The following RYR3 variants were observed in gnomAD, a reference collection of about 807,000 sequenced individuals.
The protein encoded by RYR3 is brain ryanodine receptor-calcium release channel.
A neutral mutation model predicts 584.3 loss-of-function variants in RYR3; 207 were observed. The ratio of observed to expected loss-of-function variants is 0.35; its 90% CI spans 0.32 to 0.40. RYR3 has a LOEUF of 0.40. Ranked by LOEUF, RYR3 falls within the 10% of genes least tolerant of loss-of-function variation. RYR3 has a pLI of 1.00. For synonymous variants in RYR3, 2,416 were observed against 2,248.5 expected, an observed-to-expected ratio of 1.07 and a Z score of -2.11; for missense variants, 5,616 against 6,089.2, an observed-to-expected ratio of 0.92 and a Z score of 2.59.
At chr15:33,738,066 A>C (rs891971505) in intron 49 of RYR3, among the ~76,000 whole-genome samples, 1 of 152,204 alleles carries the variant, frequency 6.6e-6, no homozygotes, top group African/African-American at 2.4e-5. Context: ...AAGATCTTCC[A>C]GAATTACAAG....
At chr15:33,350,855 A>G (rs942041526) in intron 1 of RYR3, among the ~76,000 whole-genome samples, 1 of 152,120 alleles carries the variant, frequency 6.6e-6, no homozygotes, top group African/African-American at 2.4e-5. Flanking sequence ...AAAGAACTAG[A>G]AAAGCAAGAG....
chr15:33,764,173 A>G (rs2072787234), intron 60 of RYR3, among the ~76,000 whole-genome samples: 2 of 152,226 alleles, frequency 1.3e-5, no homozygotes, highest in Non-Finnish European at 2.9e-5. Context: ...ACTTGGAACC[A>G]ACCCAGATGC....
At chr15:33,404,455 A>G (rs1352934283) in intron 1 of RYR3, among the ~76,000 whole-genome samples, 1 of 152,188 alleles carries the variant, frequency 6.6e-6, no homozygotes, top group Admixed American at 6.5e-5. Flanking sequence ...AGGTTCTTCT[A>G]TACGGTTCTC....
intron 16 of RYR3, among the ~76,000 whole-genome samples, chr15:33,597,589 C>G (rs938488102): frequency 7.0e-6 from 1 of 142,956 alleles, no homozygotes; most frequent in Non-Finnish European, 1.5e-5. Context: ...CCAGCCTGGG[C>G]GACAGTGCAA....
At position 33,841,979 on chromosome 15, in the gene RYR3, G is replaced by A. The variant is rs770201518; in HGVS notation, c.13153G>A (p.Glu4385Lys). Residue 4385 changes from glutamate to lysine, a missense_variant, in exon 91 of 104, where the codon GAA (glutamate) becomes AAA (lysine). Coordinates refer to ENST00000634891, the MANE Select transcript of RYR3 (RefSeq NM_001036.6). ...RRCGQKVEKP[E>K]AFTANFFKGL... ...GTGTGGTCAGAAGGTTGAGAAGCCGGAAGCTTTCACAGCCAATTTCTTTAA... is the reference window on the plus strand; with the variant it reads ...GTGTGGTCAGAAGGTTGAGAAGCCGAAAGCTTTCACAGCCAATTTCTTTAA... The A allele has an allele frequency of 6.2e-7, 1 of 1,603,708 alleles. No homozygotes were observed. Among genetic ancestry groups the A allele is most frequent in the African/African-American group, 1.3e-5 (1 of 74,776 alleles).
intron 85 of RYR3, among the ~76,000 whole-genome samples, chr15:33,829,482 C>G (rs1165848836): frequency 6.6e-6 from 1 of 152,160 alleles, no homozygotes; most frequent in Non-Finnish European, 1.5e-5. Flanking sequence ...GGCCCAGTGG[C>G]TCGCATCTGT....
In RYR3 at chr15:33,413,011, A is replaced by T. The variant is rs550733367; in HGVS notation, c.52-60408A>T. On this transcript the variant is annotated intron_variant, in intron 1 of 103. Coordinates refer to ENST00000634891, the MANE Select transcript of RYR3 (RefSeq NM_001036.6). ...TACCCATCTCTGGGTCTGAAAGACA[A>T]CTGTACCATCCTGATAATTAGGATG... Among the ~76,000 whole-genome samples, 3 of 152,354 alleles carry T rather than the reference A, an allele frequency of 2.0e-5. No homozygotes were observed. The East Asian group carries it at 5.8e-4, about 29-fold the overall frequency.
intron 12 of RYR3, among the ~76,000 whole-genome samples, chr15:33,576,475 A>T (rs976073332): frequency 6.6e-6 from 1 of 152,232 alleles, no homozygotes; most frequent in African/African-American, 2.4e-5. Flanking sequence ...ATGCAAATCA[A>T]TAAACACAAT....
intron 37 of RYR3, among the ~76,000 whole-genome samples, chr15:33,670,033 G>A (rs2063749101): frequency 6.6e-6 from 1 of 152,068 alleles, no homozygotes; most frequent in Admixed American, 6.6e-5. Flanking sequence ...ATGGGTAATT[G>A]ACAAGCTTTT....
At chr15:33,759,587 A>T (rs1402580083) in intron 60 of RYR3, among the ~76,000 whole-genome samples, 2 of 152,256 alleles carry the variant, frequency 1.3e-5, no homozygotes, top group Non-Finnish European at 2.9e-5. Context: ...CATAAGGACA[A>T]GATTAGAGAA....
chr15:33,544,666 T>A (rs2056102133), intron 8 of RYR3, among the ~76,000 whole-genome samples: 1 of 152,158 alleles, frequency 6.6e-6, no homozygotes, highest in Non-Finnish European at 1.5e-5. Flanking sequence ...GAATGTATTA[T>A]TATGCACCTT....
intron 48 of RYR3, among the ~76,000 whole-genome samples, chr15:33,733,888 ACTG>A (rs2069171697): frequency 6.6e-6 from 1 of 152,206 alleles, no homozygotes; most frequent in Non-Finnish European, 1.5e-5. Flanking sequence ...TGAACCGAAA[ACTG>A]CTCTGAAAAA....
intron 1 of RYR3, among the ~76,000 whole-genome samples, chr15:33,414,758 A>AT (rs1350291744): frequency 2.0e-5 from 3 of 152,030 alleles, no homozygotes; most frequent in East Asian, 1.9e-4. Flanking sequence ...GCACCCGCTA[A>AT]TTTTTTTGTA....
chr15:33,601,255 C>A (rs146281072), intron 16 of RYR3, among the ~76,000 whole-genome samples, 164 bp from the exon 17 acceptor site: 19 of 152,274 alleles, frequency 1.2e-4, no homozygotes, highest in African/African-American at 4.6e-4. Context: ...AGGCATCACT[C>A]GCTCCTTCTG....
intron 43 of RYR3, among the ~76,000 whole-genome samples, chr15:33,716,350 T>C (rs1345626876): frequency 6.6e-6 from 1 of 152,158 alleles, no homozygotes; most frequent in Non-Finnish European, 1.5e-5. Flanking sequence ...ATTCAAACCA[T>C]AGTATAAAGC....
intron 62 of RYR3, among the ~76,000 whole-genome samples, chr15:33,770,299 TA>T (rs2073463300): frequency 6.6e-6 from 1 of 152,152 alleles, no homozygotes; most frequent in Non-Finnish European, 1.5e-5. Flanking sequence ...TAAGGACTAT[TA>T]AAGGGATGAG....
At chr15:33,687,238 T>C (rs774155263) in intron 38 of RYR3, among the ~76,000 whole-genome samples, 2 of 152,226 alleles carry the variant, frequency 1.3e-5, no homozygotes, top group Non-Finnish European at 2.9e-5. Context: ...ACAAAATCCA[T>C]GTGTAAAAAT....
chr15:33,853,173 A>G, intron 95 of RYR3, 86 bp downstream of exon 95: 2 of 1,124,744 alleles, frequency 1.8e-6, no homozygotes, highest in Non-Finnish European at 2.5e-6. Flanking sequence ...AAACATGAGT[A>G]AATGTGATGC....
intron 48 of RYR3, among the ~76,000 whole-genome samples, chr15:33,735,529 G>A (rs567020834): frequency 7.9e-5 from 12 of 152,258 alleles, no homozygotes; most frequent in African/African-American, 2.6e-4. Flanking sequence ...TTGTGTTTAT[G>A]TGTGTACACC....
Sources: gnomAD v4.1 joint callset for allele counts (sites outside exome capture counted in the v4.1 genomes callset) on GRCh38, gnomAD v4.1.1 for gene constraint, MANE v1.5 for transcripts, NCBI Gene and HGNC (gene_info 2026-07-23, HGNC 2026-07-21) for gene names.